IL21: variants seen among roughly 807,000 people sequenced by gnomAD.
The protein encoded by IL21 is interleukin-21.
A neutral mutation model predicts 18.4 loss-of-function variants in IL21; 3 were observed. That is an observed-to-expected ratio of 0.16 (90% confidence interval 0.07 to 0.42). The LOEUF is 0.42. Among genes scored for constraint, IL21 ranks in the 10% least tolerant of loss-of-function variants. IL21 has a pLI of 0.99. For synonymous variants in IL21, 37 were observed against 62.0 expected, an observed-to-expected ratio of 0.60 and a Z score of 1.90; for missense variants, 130 against 188.4, an observed-to-expected ratio of 0.69 and a Z score of 1.81.
chr4:122,616,493 AC>A (rs1799338960), intron 2 of IL21, among the ~76,000 whole-genome samples: 1 of 152,040 alleles, frequency 6.6e-6, no homozygotes. Flanking sequence ...CTTTTCTAAA[AC>A]CCTTTTCATA....
At position 122,615,571 on chromosome 4, in the gene IL21, A is replaced by G; in HGVS notation, c.360+111T>C. ...ACCATGTATAATAAGGCATAACTAT[A>G]GGTAAGGAAGACACCAGCAGCCCTG... On this transcript the variant is annotated intron_variant, in intron 3 of 4. Transcript: ENST00000648588. 3 of 869,872 alleles carry G rather than the reference A, an allele frequency of 3.4e-6. No homozygotes were observed. In the South Asian group the frequency reaches 5.3e-5, roughly 15 times the overall value. 53.9% of individuals were successfully genotyped at this position (869,872 alleles called of 1,614,324 possible). A position where few individuals can be genotyped will look rare whatever the true frequency, so the allele number is the denominator to read the frequency against.
chr4:122,613,958 A>G (rs1018955860), intron 3 of IL21, among the ~76,000 whole-genome samples: 5 of 152,184 alleles, frequency 3.3e-5, no homozygotes, highest in African/African-American at 9.7e-5. Context: ...GCTCACTTAG[A>G]TTTTTAAAAA....
In IL21 at chr4:122,611,382, ATTTGT is replaced by A. The variant is rs1235108888; in HGVS notation, c.*1323_*1327del. ...TTTTAGAACTGTAGGTTAAGTCTGT[ATTTGT>A]TTTAAGCACATAATTTTTCTTCTCA... On this transcript the variant is annotated 3_prime_UTR_variant, in exon 5 of 5. Coordinates refer to ENST00000648588, the MANE Select transcript of IL21 (RefSeq NM_021803.4). Among the ~76,000 whole-genome samples the A allele has an allele frequency of 2.0e-5, 3 of 152,172 alleles. No individual in the cohort carries two copies. The highest frequency in any genetic ancestry group is 4.4e-5 in the Non-Finnish European group (3 of 68,002).
intron 4 of IL21, 23 bp from the exon 5 acceptor site, chr4:122,612,783 G>T: frequency 1.9e-6 from 3 of 1,613,408 alleles, no homozygotes; most frequent in Non-Finnish European, 2.5e-6. Context: ...TATACCGTGA[G>T]TAACTAAGAA....
chr4:122,612,846 G>T lies in IL21; in HGVS notation c.438+5C>A, dbSNP rs764894706. The T allele has an allele frequency of 6.2e-7, 1 of 1,612,768 alleles. No homozygotes were observed. Among genetic ancestry groups the T allele is most frequent in the Non-Finnish European group, 8.5e-7 (1 of 1,179,236 alleles). On this transcript the variant is annotated splice_donor_5th_base_variant and intron_variant, in intron 4 of 4. Coordinates refer to ENST00000648588, the MANE Select transcript of IL21 (RefSeq NM_021803.4). ...AGAAAATCAAATGAAACTTAAGGTA[G>T]ATACCTTTTGGAGAAGTGATTTGAA...
chr4:122,611,924 G>T lies in IL21; in HGVS notation c.*786C>A, dbSNP rs1205529241. On this transcript the variant is annotated 3_prime_UTR_variant, in exon 5 of 5. Coordinates refer to ENST00000648588, the MANE Select transcript of IL21 (RefSeq NM_021803.4). ...CTACAATACTTTTAAAACTATGTTT[G>T]GTTCCAGAAGACAACCTGGCATATG... Among the ~76,000 whole-genome samples, 1 of 151,996 alleles carries T rather than the reference G, an allele frequency of 6.6e-6. No individual in the cohort carries two copies. Among genetic ancestry groups the T allele is most frequent in the Non-Finnish European group, 1.5e-5 (1 of 67,960 alleles).
rs760247911 is a variant in IL21, at chr4:122,612,795, C to A, written c.439-35G>T. ...TAGTATACCGTGAGTAACTAAGAAGCAAATCTGGATAGGTAAAGATAAAGC... is the reference window on the plus strand; with the variant it reads ...TAGTATACCGTGAGTAACTAAGAAGAAAATCTGGATAGGTAAAGATAAAGC... On this transcript the variant is annotated intron_variant, in intron 4 of 4. Transcript: ENST00000648588. 5 of 1,613,084 alleles carry A rather than the reference C, an allele frequency of 3.1e-6. No homozygotes were observed. The African/African-American group carries it at 4.0e-5, about 13-fold the overall frequency.
At chr4:122,618,800 G>A (rs552434577) in intron 2 of IL21, among the ~76,000 whole-genome samples, 10 of 84,610 alleles carry the variant, frequency 1.2e-4, no homozygotes, top group South Asian at 5.2e-4. Flanking sequence ...TCGAGACTCC[G>A]TCTCAAAAAA....
rs1178703939 is a variant in IL21, at chr4:122,610,946, C to T, written c.*1764G>A. On this transcript the variant is annotated 3_prime_UTR_variant, in exon 5 of 5. Coordinates refer to ENST00000648588, the MANE Select transcript of IL21 (RefSeq NM_021803.4). ...ATGAAGGCTCTTAGCCAAACCCTCA[C>T]TGAGTTATTTTTACTTTTAAGATAG... Among the ~76,000 whole-genome samples, 1 of 152,138 alleles carries T rather than the reference C, an allele frequency of 6.6e-6. No individual in the cohort carries two copies. Among genetic ancestry groups the T allele is most frequent in the Non-Finnish European group, 1.5e-5 (1 of 68,008 alleles).
At chr4:122,619,131 T>G (rs548203994) in intron 2 of IL21, 2 of 152,224 alleles carry the variant, frequency 1.3e-5, no homozygotes, top group Non-Finnish European at 2.9e-5. Flanking sequence ...GAAAGATGCC[T>G]GGCTAGGCCA....
At chr4:122,613,613 A>G (rs139134541) in intron 3 of IL21, among the ~76,000 whole-genome samples, 4 of 152,242 alleles carry the variant, frequency 2.6e-5, no homozygotes, top group South Asian at 4.1e-4. Context: ...CGGCCTCCCA[A>G]AGTGCTGGGA....
intron 3 of IL21, among the ~76,000 whole-genome samples, chr4:122,614,892 C>G (rs1022598372): frequency 6.6e-6 from 1 of 152,102 alleles, no homozygotes; most frequent in Non-Finnish European, 1.5e-5. Context: ...CTCCCTATTT[C>G]AATTCAATAC....
chr4:122,617,815 G>A (rs530382772), intron 2 of IL21, among the ~76,000 whole-genome samples: 1 of 152,106 alleles, frequency 6.6e-6, no homozygotes, highest in African/African-American at 2.4e-5. Flanking sequence ...AAATAACTGC[G>A]GGAATTGGCT....
intron 2 of IL21, among the ~76,000 whole-genome samples, chr4:122,617,567 A>G (rs1323684698): frequency 6.6e-6 from 1 of 152,204 alleles, no homozygotes. Flanking sequence ...ATTGCCAGGA[A>G]TGGTCAGTAC....
At chr4:122,615,862 A>T in intron 2 of IL21, 25 bp from the exon 3 acceptor site, 1 of 1,574,540 alleles carries the variant, frequency 6.4e-7, no homozygotes, top group Non-Finnish European at 8.6e-7. Context: ...ATTTGTATAT[A>T]TGTTAACAAA....
intron 1 of IL21, 24 bp from the exon 2 acceptor site, chr4:122,620,760 T>A: frequency 6.2e-7 from 1 of 1,613,272 alleles, no homozygotes; most frequent in Non-Finnish European, 8.5e-7. Context: ...AAATTTGTTC[T>A]GAGTTATTTT....
At chr4:122,615,959 G>T in intron 2 of IL21, 122 bp from the exon 3 acceptor site, 1 of 780,976 alleles carries the variant, frequency 1.3e-6, no homozygotes, top group Non-Finnish European at 2.0e-6. Context: ...TTCAACAGAT[G>T]AGTGAGGTAT....
chr4:122,614,321 G>A (rs937848080), intron 3 of IL21, among the ~76,000 whole-genome samples: 2 of 152,106 alleles, frequency 1.3e-5, no homozygotes, highest in African/African-American at 4.8e-5. Context: ...ACCAGGCCAA[G>A]CAATCAAAAG....
chr4:122,613,603 C>T (rs928987194), intron 3 of IL21, among the ~76,000 whole-genome samples: 4 of 152,108 alleles, frequency 2.6e-5, no homozygotes, highest in Non-Finnish European at 4.4e-5. Context: ...CCGCCTGCCT[C>T]GGCCTCCCAA....
Sources: gnomAD v4.1 joint callset for allele counts (sites outside exome capture counted in the v4.1 genomes callset) on GRCh38, gnomAD v4.1.1 for gene constraint, MANE v1.5 for transcripts, NCBI Gene and HGNC (gene_info 2026-07-23, HGNC 2026-07-21) for gene names.